Variants in TMEM266 observed in about 807,000 individuals in gnomAD.
TMEM266 encodes Hv1 related protein 1.
In TMEM266, 33 loss-of-function variants were observed where a neutral mutation model predicts 50.5. The ratio of observed to expected loss-of-function variants is 0.65; its 90% CI spans 0.50 to 0.87. TMEM266 has a LOEUF of 0.87. Ranked by LOEUF, TMEM266 falls within the 40% of genes least tolerant of loss-of-function variation. The pLI is 0.00. For missense variants in TMEM266, 655 were observed against 695.1 expected, an observed-to-expected ratio of 0.94 and a Z score of 0.65; for synonymous variants, 310 against 292.3, an observed-to-expected ratio of 1.06 and a Z score of -0.62.
intron 1 of TMEM266, among the ~76,000 whole-genome samples, chr15:76,085,997 G>A (rs2036770994): frequency 6.7e-6 from 1 of 150,278 alleles, no homozygotes; most frequent in African/African-American, 2.5e-5. Flanking sequence ...GCATTGAGCT[G>A]AGATCATGCC....
At chr15:76,196,551 G>C (rs1260400755) in intron 9 of TMEM266, among the ~76,000 whole-genome samples, 1 of 152,248 alleles carries the variant, frequency 6.6e-6, no homozygotes, top group Non-Finnish European at 1.5e-5. Context: ...CTCTGGAGAT[G>C]AAGTAAGGGC....
chr15:76,189,297 T>G (rs1397503776), intron 8 of TMEM266, among the ~76,000 whole-genome samples: 1 of 138,132 alleles, frequency 7.2e-6, no homozygotes, highest in Non-Finnish European at 1.5e-5. Flanking sequence ...TAGGTCTCTG[T>G]CCATCGTGAC....
At chr15:76,159,883 G>A (rs2037989573) in intron 4 of TMEM266, among the ~76,000 whole-genome samples, 1 of 152,048 alleles carries the variant, frequency 6.6e-6, no homozygotes, top group Non-Finnish European at 1.5e-5. Context: ...GAGGCAAGAA[G>A]AACAGCATCG....
At chr15:76,199,568 CAT>C (rs2038708817) in intron 9 of TMEM266, among the ~76,000 whole-genome samples, 1 of 152,196 alleles carries the variant, frequency 6.6e-6, no homozygotes, top group African/African-American at 2.4e-5. Flanking sequence ...ACAAGCTCCA[CAT>C]GAGTTGGCAG....
At chr15:76,182,918 A>G (rs1404223798) in intron 8 of TMEM266, among the ~76,000 whole-genome samples, 1 of 152,056 alleles carries the variant, frequency 6.6e-6, no homozygotes, top group African/African-American at 2.4e-5. Flanking sequence ...TGCCTGAGTC[A>G]CTGATAGTTA....
At chr15:76,142,137 C>G (rs2037688763) in intron 3 of TMEM266, among the ~76,000 whole-genome samples, 1 of 152,162 alleles carries the variant, frequency 6.6e-6, no homozygotes, top group Non-Finnish European at 1.5e-5. Flanking sequence ...GCCTGTAATC[C>G]CAGCACTTTG....
chr15:76,204,671 T>G lies in TMEM266; in HGVS notation c.*356T>G. The G allele has an allele frequency of 5.3e-6, 1 of 187,418 alleles. No homozygotes were observed. Among genetic ancestry groups the G allele is most frequent in the Non-Finnish European group, 1.1e-5 (1 of 89,456 alleles). The allele number at this position is 187,418 out of a possible 1,614,324, so 11.6% of individuals were successfully genotyped here. On this transcript the variant is annotated 3_prime_UTR_variant, in exon 11 of 11. Transcript: ENST00000388942. The stretch of plus-strand genomic sequence containing the variant: ...CGTTCCTGACGCCCACCCTGGACTC[T>G]AGGGAACAGCACTGTGAGCAGGGGC...
chr15:76,092,113 G>C lies in TMEM266; in HGVS notation c.-97+32097G>C, dbSNP rs141733997. ...TAGAGTATAAGAAAAAAAGAAATCT[G>C]TATACTTGAACTTTCTCTATCCAGC... On this transcript the variant is annotated intron_variant, in intron 1 of 10. Transcript: ENST00000388942. 1.6e-3 allele frequency among the ~76,000 whole-genome samples: 248 copies of C among 152,106 alleles called. 4 individuals carry two copies. Among genetic ancestry groups the C allele is most frequent in the African/African-American group, 5.4e-3 (224 of 41,546 alleles).
chr15:76,077,467 T>C (rs1385808694), intron 1 of TMEM266, among the ~76,000 whole-genome samples: 2 of 152,058 alleles, frequency 1.3e-5, no homozygotes, highest in Admixed American at 6.5e-5. Context: ...GTACAAGATA[T>C]CCACACAAAT....
chr15:76,113,359 G>A (rs1035156122), intron 1 of TMEM266: 22 of 152,472 alleles, frequency 1.4e-4, no homozygotes, highest in African/African-American at 4.6e-4. Context: ...CAAGCAGAGA[G>A]AATTCCATAA....
intron 10 of TMEM266, among the ~76,000 whole-genome samples, chr15:76,203,384 C>T (rs1466707488): frequency 6.6e-6 from 1 of 152,326 alleles, no homozygotes; most frequent in Non-Finnish European, 1.5e-5. Context: ...CACTGTTACT[C>T]CAGCACCCAG....
intron 5 of TMEM266, among the ~76,000 whole-genome samples, chr15:76,165,432 G>A (rs2038079942): frequency 6.6e-6 from 1 of 152,228 alleles, no homozygotes; most frequent in African/African-American, 2.4e-5. Context: ...TGTTTGCCAA[G>A]GCTGTAGCCT....
intron 7 of TMEM266, 101 bp from the exon 8 acceptor site, chr15:76,175,458 C>T (rs77031154): frequency 0.043 from 35,909 of 830,452 alleles, 1,058 homozygotes; most frequent in Non-Finnish European, 0.054. Context: ...AGAAATGGCC[C>T]AGGGCCTCGA....
intron 1 of TMEM266, among the ~76,000 whole-genome samples, chr15:76,086,120 A>T (rs12904578): frequency 0.2 from 30,903 of 151,908 alleles, 3,858 homozygotes; most frequent in Non-Finnish European, 0.27. Flanking sequence ...AAATGATTGA[A>T]TTTTTCATCA....
chr15:76,155,207 G>T (rs2037907342), intron 3 of TMEM266, among the ~76,000 whole-genome samples: 1 of 152,220 alleles, frequency 6.6e-6, no homozygotes, highest in South Asian at 2.1e-4. Flanking sequence ...CTCCTGGGCT[G>T]GTGCTGTGGC....
At chr15:76,075,480 G>A (rs2141986898) in intron 1 of TMEM266, among the ~76,000 whole-genome samples, 1 of 152,282 alleles carries the variant, frequency 6.6e-6, no homozygotes, top group Middle Eastern at 3.4e-3. Flanking sequence ...TTGCCAATAT[G>A]AAGGTCATGG....
rs1309651404 is a variant in TMEM266 at position 76,139,483 on chromosome 15, G to T, written c.227+1588G>T. On this transcript the variant is annotated intron_variant, in intron 3 of 10. Transcript: ENST00000388942. The surrounding 1 kb of genome is among the most constrained non-coding windows in gnomAD (Gnocchi z 4.1). ...AGGCCCCTGGGCCAGGGCCAGCTTC[G>T]TGCACATGTGACCTGTGCGGTAGCG... 6.6e-6 allele frequency among the ~76,000 whole-genome samples: 1 copy of T among 152,170 alleles called. No homozygotes were observed. The highest frequency in any genetic ancestry group is 2.4e-5 in the African/African-American group (1 of 41,440).
intron 8 of TMEM266, among the ~76,000 whole-genome samples, chr15:76,189,590 G>T (rs1355862964): frequency 6.6e-6 from 1 of 152,168 alleles, no homozygotes; most frequent in African/African-American, 2.4e-5. Flanking sequence ...TGAGAGTCTG[G>T]GAGGAAGGGG....
chr15:76,116,974 A>C (rs1392213230), intron 1 of TMEM266, among the ~76,000 whole-genome samples: 1 of 143,400 alleles, frequency 7.0e-6, no homozygotes, highest in African/African-American at 2.6e-5. Context: ...ATCTCGGCTC[A>C]CTGCAACCTC....
Sources: gnomAD v4.1 joint callset for allele counts (sites outside exome capture counted in the v4.1 genomes callset) on GRCh38, gnomAD v4.1.1 for gene constraint, Gnocchi (gnomAD v3.1) non-coding constraint, MANE v1.5 for transcripts, NCBI Gene and HGNC (gene_info 2026-07-23, HGNC 2026-07-21) for gene names.